The following PTPRE variants were observed in gnomAD, a reference collection of about 807,000 sequenced individuals.
PTPRE encodes the protein protein tyrosine phosphatase receptor type E, also known as receptor-type tyrosine-protein phosphatase epsilon.
In PTPRE, 51 loss-of-function variants were observed where a neutral mutation model predicts 102.0. That is an observed-to-expected ratio of 0.50 (90% confidence interval 0.40 to 0.63). PTPRE has a LOEUF of 0.63. Among genes scored for constraint, PTPRE ranks in the 30% least tolerant of loss-of-function variants. The probability of loss-of-function intolerance (pLI) is 0.00; values close to 1 mark genes in which losing one functional copy is unlikely to be tolerated. For missense variants in PTPRE, 752 were observed against 915.1 expected (o/e 0.82, Z 2.30); for synonymous variants, 345 against 348.2 (o/e 0.99, Z 0.10).
chr10:127,950,794 G>A (rs1015658826), intron 1 of PTPRE, among the ~76,000 whole-genome samples: 4 of 100,888 alleles, frequency 4.0e-5, no homozygotes, highest in Non-Finnish European at 8.9e-5. Context: ...AGTTAATCAC[G>A]TGTTTCTAAA....
chr10:128,073,283 A>T, intron 16 of PTPRE, 54 bp from the exon 17 acceptor site: 1 of 1,605,638 alleles, frequency 6.2e-7, no homozygotes, highest in Non-Finnish European at 8.5e-7. Flanking sequence ...GGAGCAGGTA[A>T]TGGAGCCAGG....
intron 1 of PTPRE, among the ~76,000 whole-genome samples, chr10:127,968,941 G>C (rs1850476346): frequency 6.6e-6 from 1 of 152,204 alleles, no homozygotes; most frequent in Non-Finnish European, 1.5e-5. Context: ...CTGATTCAAA[G>C]AATGTCCCTA....
Position 128,073,465 on chromosome 10 carries a change from A to C in PTPRE, c.1593A>C (p.Arg531Ser). Reference protein sequence around the residue: ...TIVMLTEVQEREQDKCYQYWP... With the variant: ...TIVMLTEVQESEQDKCYQYWP... ...TGATGCTGACGGAGGTGCAGGAGAG[A>C]GAGCAGGTGAGGAGTGCCGCCCAGC... is the stretch of plus-strand genomic sequence containing the variant. Residue 531 changes from arginine to serine, a missense_variant, in exon 17 of 21, where the codon AGA becomes AGC. Physicochemically the swap from Arg to Ser is moderately radical, Grantham distance 110. Coordinates refer to ENST00000254667, the MANE Select transcript of PTPRE (RefSeq NM_006504.6). 2.5e-6 allele frequency: 4 copies of C among 1,613,690 alleles called. No individual in the cohort carries two copies. Among genetic ancestry groups the C allele is most frequent in the Non-Finnish European group, 3.4e-6 (4 of 1,179,904 alleles).
chr10:128,007,100 T>C, intron 2 of PTPRE, among the ~76,000 whole-genome samples: 1 of 152,194 alleles, frequency 6.6e-6, no homozygotes, highest in East Asian at 1.9e-4. Flanking sequence ...GGTTTCTCTC[T>C]CTCTCTTTTT....
intron 1 of PTPRE, among the ~76,000 whole-genome samples, chr10:127,946,065 G>A (rs1320232720): frequency 1.3e-5 from 2 of 152,126 alleles, no homozygotes. Flanking sequence ...TCCAGGAGGA[G>A]CACAGCAGAG....
In PTPRE at chr10:128,068,106, C is replaced by A; in HGVS notation, c.844-17C>A. 1.2e-6 allele frequency: 2 copies of A among 1,606,460 alleles called. No homozygotes were observed. The highest frequency in any genetic ancestry group is 1.1e-5 in the South Asian group (1 of 90,384). ...AGGATTGTTTCACCCACTCTTGTCTCCCCGCGTCCCCCGCAGCAGCTCCCC... is the reference window on the plus strand; with the variant it reads ...AGGATTGTTTCACCCACTCTTGTCTACCCGCGTCCCCCGCAGCAGCTCCCC... On this transcript the variant is annotated splice_polypyrimidine_tract_variant and intron_variant, in intron 11 of 20. Coordinates refer to ENST00000254667, the MANE Select transcript of PTPRE (RefSeq NM_006504.6).
intron 1 of PTPRE, among the ~76,000 whole-genome samples, chr10:127,912,832 T>C: frequency 6.6e-6 from 1 of 152,210 alleles, no homozygotes; most frequent in East Asian, 1.9e-4. Flanking sequence ...GAGAGATGGA[T>C]GGATGAAGGT....
intron 1 of PTPRE, among the ~76,000 whole-genome samples, chr10:127,912,796 C>G (rs762604642): frequency 5.3e-5 from 8 of 152,232 alleles, no homozygotes; most frequent in African/African-American, 9.6e-5. Flanking sequence ...GAGCTCAGAG[C>G]TCACTCTGTG....
chr10:128,069,645 C>T (rs774940136), intron 12 of PTPRE, 47 bp from the exon 13 acceptor site: 17 of 1,609,436 alleles, frequency 1.1e-5, no homozygotes, highest in Non-Finnish European at 1.4e-5. Context: ...TCATTTACTT[C>T]GGGAGGAGTG....
At chr10:127,943,704 C>T (rs1221234418) in intron 1 of PTPRE, among the ~76,000 whole-genome samples, 1 of 152,236 alleles carries the variant, frequency 6.6e-6, no homozygotes, top group Non-Finnish European at 1.5e-5. Flanking sequence ...GACTCAGCCA[C>T]TTTATTCTGC....
chr10:128,039,297 T>C lies in PTPRE; in HGVS notation c.-7-1578T>C, dbSNP rs74159144. Among the ~76,000 whole-genome samples, 1,514 of 152,256 alleles carry C rather than the reference T, an allele frequency of 9.9e-3. 33 individuals carry two copies. Among genetic ancestry groups the C allele is most frequent in the African/African-American group, 0.034 (1,427 of 41,532 alleles). On this transcript the variant is annotated intron_variant, in intron 2 of 20. Coordinates refer to ENST00000254667, the MANE Select transcript of PTPRE (RefSeq NM_006504.6). ...GTTCCTGGGTTCAAATCACAGTTCC[T>C]CCATATCCTCCAGCCTGACTTTGGG...
intron 1 of PTPRE, among the ~76,000 whole-genome samples, chr10:127,974,447 G>C (rs1850992326): frequency 6.6e-6 from 1 of 152,190 alleles, no homozygotes; most frequent in Non-Finnish European, 1.5e-5. Flanking sequence ...TCTTGAGAAA[G>C]ATGACCTAAC....
chr10:128,075,631 A>C (rs1851157338), intron 17 of PTPRE, among the ~76,000 whole-genome samples: 1 of 152,260 alleles, frequency 6.6e-6, no homozygotes, highest in African/African-American at 2.4e-5. Context: ...TGCTTTCCAA[A>C]GTGGACATCA....
At chr10:127,965,469 G>C (rs908584416) in intron 1 of PTPRE, among the ~76,000 whole-genome samples, 2 of 152,198 alleles carry the variant, frequency 1.3e-5, no homozygotes, top group African/African-American at 2.4e-5. Flanking sequence ...TTCCTTGCCA[G>C]TGTCTGCAGT....
chr10:127,937,512 A>G (rs575999960), intron 1 of PTPRE, among the ~76,000 whole-genome samples: 8 of 152,330 alleles, frequency 5.3e-5, no homozygotes, highest in Admixed American at 2.6e-4. Context: ...TCCAGGTAGG[A>G]TCAATATCTC....
intron 2 of PTPRE, among the ~76,000 whole-genome samples, chr10:128,025,892 G>A (rs1846256344): frequency 6.6e-6 from 1 of 152,208 alleles, no homozygotes; most frequent in Non-Finnish European, 1.5e-5. Context: ...TGTGTGTATA[G>A]GGTGCAGGGG....
chr10:128,028,345 C>A lies in PTPRE; in HGVS notation c.-7-12530C>A, dbSNP rs994928301. On this transcript the variant is annotated intron_variant, in intron 2 of 20. Coordinates refer to ENST00000254667, the MANE Select transcript of PTPRE (RefSeq NM_006504.6). The surrounding 1 kb of genome is among the most constrained non-coding windows in gnomAD (Gnocchi z 4.5). ...CAGAAGGGACTCGGGTCACACACAG[C>A]CACACTCGGGGATTAGGACCTGAAG... 6.6e-6 allele frequency among the ~76,000 whole-genome samples: 1 copy of A among 152,134 alleles called. No homozygotes were observed. The highest frequency in any genetic ancestry group is 6.5e-5 in the Admixed American group (1 of 15,270).
intron 19 of PTPRE, among the ~76,000 whole-genome samples, chr10:128,079,192 G>T (rs994902745): frequency 6.6e-6 from 1 of 152,128 alleles, no homozygotes; most frequent in African/African-American, 2.4e-5. Flanking sequence ...GGGAGGGTTT[G>T]CATTTCTGGC....
At chr10:127,920,188 A>C (rs1466080684) in intron 1 of PTPRE, among the ~76,000 whole-genome samples, 2 of 152,180 alleles carry the variant, frequency 1.3e-5, no homozygotes, top group Non-Finnish European at 2.9e-5. Context: ...GAGCCTGGGA[A>C]GCAATTGATA....
Sources: gnomAD v4.1 joint callset for allele counts (sites outside exome capture counted in the v4.1 genomes callset) on GRCh38, gnomAD v4.1.1 for gene constraint, Gnocchi (gnomAD v3.1) non-coding constraint, MANE v1.5 for transcripts, NCBI Gene and HGNC (gene_info 2026-07-23, HGNC 2026-07-21) for gene names.